TTYH1: variants seen among roughly 807,000 people sequenced by gnomAD.
TTYH1 encodes protein tweety homolog 1.
Under a neutral mutation model 61.2 loss-of-function variants are expected in TTYH1, and 33 were observed. That is an observed-to-expected ratio of 0.54 (90% CI 0.41 to 0.72). The LOEUF is 0.72. Ranked by LOEUF, TTYH1 falls within the 30% of genes least tolerant of loss-of-function variation. The probability of loss-of-function intolerance (pLI) is 0.00; values close to 1 mark genes in which losing one functional copy is unlikely to be tolerated. For missense variants in TTYH1, 538 were observed against 575.8 expected, an observed-to-expected ratio of 0.93 and a Z score of 0.67; for synonymous variants, 308 against 266.4, an observed-to-expected ratio of 1.16 and a Z score of -1.52.
intron 4 of TTYH1, among the ~76,000 whole-genome samples, chr19:54,425,534 G>A (rs903321278): frequency 3.3e-5 from 5 of 152,062 alleles, no homozygotes; most frequent in African/African-American, 7.3e-5. Context: ...CTGATTGGTT[G>A]GGTGTGAGCT....
chr19:54,436,407 T>C lies in TTYH1; in HGVS notation c.*117T>C, dbSNP rs2083554457. ...CTCTGACCACTAACACTCTTGGCCA[T>C]GGACAGCCTGCACAGGACCGCCTCC... On this transcript the variant is annotated 3_prime_UTR_variant, in exon 14 of 14. Transcript: ENST00000376530. This position sits in a 1 kb window ranked among gnomAD's most constrained non-coding sequence, Gnocchi z 4.3. 1 of 1,610,304 alleles carries C rather than the reference T, an allele frequency of 6.2e-7. No individual in the cohort carries two copies. The highest frequency in any genetic ancestry group is 1.3e-5 in the African/African-American group (1 of 74,946).
At position 54,415,464 on chromosome 19, in the gene TTYH1, A is replaced by G. The variant is rs1000640808; in HGVS notation, c.-89A>G. 29 of 959,160 alleles carry G rather than the reference A, an allele frequency of 3.0e-5. No homozygotes were observed. In the Admixed American group the frequency reaches 3.7e-4, roughly 12 times the overall value. 59.4% of individuals were successfully genotyped at this position (959,160 alleles called of 1,614,324 possible). The stretch of plus-strand genomic sequence containing the variant: ...CCCCCGCTCCCGCTCCCCTGAGCCC[A>G]GCCAGACCCCGCGCCGCCCGCGCCC... On this transcript the variant is annotated 5_prime_UTR_variant, in exon 1 of 14. Coordinates refer to ENST00000376530, the MANE Select transcript of TTYH1 (RefSeq NM_020659.4). The surrounding 1 kb of genome is among the most constrained non-coding windows in gnomAD (Gnocchi z 5.2).
In TTYH1 at chr19:54,430,900, G is replaced by A; in HGVS notation, c.1027G>A (p.Ala343Thr). 1.2e-6 allele frequency: 2 copies of A among 1,612,564 alleles called. No homozygotes were observed. The highest frequency in any genetic ancestry group is 2.7e-5 in the African/African-American group (2 of 75,062). Reference sequence around the variant, plus strand: ...AGAAGCTGTGCCTCAGTTCCCTTCAGCGCAGGTCGGTGGGTGGGCGCTCCC... The same window carrying A: ...AGAAGCTGTGCCTCAGTTCCCTTCAACGCAGGTCGGTGGGTGGGCGCTCCC... Reference protein sequence around the residue: ...EREAVPQFPSAQKPLLSLEET... With the variant: ...EREAVPQFPSTQKPLLSLEET... Residue 343 changes from alanine to threonine, a missense_variant, in exon 9 of 14, where the codon GCG becomes ACG. Ala to Thr is a moderately conservative substitution (Grantham distance 58, BLOSUM62 0). Around this residue, in one of 3 missense-constraint regions of TTYH1, gnomAD observed 378 missense variants for 401.2 expected, o/e 0.94. Transcript: ENST00000376530.
chr19:54,436,321 C>T lies in TTYH1; in HGVS notation c.*43-12C>T. ...GCCTGCATCACTGCCCTGTCTCTCCCTCTCTCCGCAGTTCCTTCCCTGGCT... is the reference window on the plus strand; with the variant it reads ...GCCTGCATCACTGCCCTGTCTCTCCTTCTCTCCGCAGTTCCTTCCCTGGCT... On this transcript the variant is annotated splice_polypyrimidine_tract_variant and intron_variant, in intron 13 of 13. Transcript: ENST00000376530. This position sits in a 1 kb window ranked among gnomAD's most constrained non-coding sequence, Gnocchi z 4.3. The T allele has an allele frequency of 6.2e-7, 1 of 1,614,092 alleles. No homozygotes were observed. Among genetic ancestry groups the T allele is most frequent in the Non-Finnish European group, 8.5e-7 (1 of 1,180,012 alleles).
chr19:54,422,512 G>C, intron 4 of TTYH1, 102 bp downstream of exon 4: 1 of 1,035,214 alleles, frequency 9.7e-7, no homozygotes, highest in Non-Finnish European at 1.4e-6. Context: ...TGTGACAGCT[G>C]GGGAGTGTGT....
rs2083189484 is a variant in TTYH1, at chr19:54,420,510, G to A, written c.306-767G>A. Reference sequence around the variant, plus strand: ...GCCCAGCCGGGGCTGGGAACCGGGAGGGTGTCAGGCTCCCGCCCCCTCCAC... The same window carrying A: ...GCCCAGCCGGGGCTGGGAACCGGGAAGGTGTCAGGCTCCCGCCCCCTCCAC... On this transcript the variant is annotated intron_variant, in intron 2 of 13. Coordinates refer to ENST00000376530, the MANE Select transcript of TTYH1 (RefSeq NM_020659.4). The surrounding 1 kb of genome is among the most constrained non-coding windows in gnomAD (Gnocchi z 4.8). Among the ~76,000 whole-genome samples the A allele has an allele frequency of 6.6e-6, 1 of 152,052 alleles. No individual in the cohort carries two copies. Among genetic ancestry groups the A allele is most frequent in the Admixed American group, 6.5e-5 (1 of 15,268 alleles).
rs754923638 is a variant in TTYH1 at position 54,421,251 on chromosome 19, A to G, written c.306-26A>G. On this transcript the variant is annotated intron_variant, in intron 2 of 13. Coordinates refer to ENST00000376530, the MANE Select transcript of TTYH1 (RefSeq NM_020659.4). The surrounding 1 kb of genome is among the most constrained non-coding windows in gnomAD (Gnocchi z 4.8). ...CCCCGGGGTCCTGGGACCCGCTGAG[A>G]TTCCTCTCCCTCCTCCTCCGCTCAG... is the stretch of plus-strand genomic sequence containing the variant. 1.3e-6 allele frequency: 2 copies of G among 1,541,528 alleles called. No homozygotes were observed. The highest frequency in any genetic ancestry group is 1.1e-5 in the South Asian group (1 of 89,654).
intron 1 of TTYH1, among the ~76,000 whole-genome samples, chr19:54,417,409 A>G (rs892939153): frequency 6.7e-6 from 1 of 150,190 alleles, no homozygotes; most frequent in Non-Finnish European, 1.5e-5. Context: ...CTCATTACAC[A>G]CTCACATATG....
chr19:54,436,465 C>T lies in TTYH1; in HGVS notation c.*175C>T. On this transcript the variant is annotated 3_prime_UTR_variant, in exon 14 of 14. Transcript: ENST00000376530. This position sits in a 1 kb window ranked among gnomAD's most constrained non-coding sequence, Gnocchi z 4.3. Reference sequence around the variant, plus strand: ...TGGCCACTGTGCTCCCATTTCTGTCCTTGGCCTTGGGAGTAGCTGAGGGGG... The same window carrying T: ...TGGCCACTGTGCTCCCATTTCTGTCTTTGGCCTTGGGAGTAGCTGAGGGGG... 3 of 1,453,208 alleles carry T rather than the reference C, an allele frequency of 2.1e-6. No individual in the cohort carries two copies. The highest frequency in any genetic ancestry group is 2.3e-5 in the South Asian group (2 of 87,030). The allele number at this position is 1,453,208 out of a possible 1,614,324, so 90.0% of individuals were successfully genotyped here.
Position 54,427,038 on chromosome 19 carries a change from C to G in TTYH1, c.734+270C>G, listed in dbSNP as rs539493224. On this transcript the variant is annotated intron_variant, in intron 5 of 13. Transcript: ENST00000376530. ...ATGAGGCCAGGCGCGGTGGCTCACA[C>G]CTGTAATCCCAGCACTTTAGGAGGC... is the stretch of plus-strand genomic sequence containing the variant. Among the ~76,000 whole-genome samples, 26 of 152,110 alleles carry G rather than the reference C, an allele frequency of 1.7e-4. 1 individual carries two copies. In the South Asian group the frequency reaches 5.0e-3, roughly 29 times the overall value.
In TTYH1 at chr19:54,425,758, C is replaced by T. The variant is rs1375814876; in HGVS notation, c.639-915C>T. 1.4e-4 allele frequency among the ~76,000 whole-genome samples: 21 copies of T among 151,868 alleles called. 1 individual carries two copies. The highest frequency in any genetic ancestry group is 1.4e-3 in the Admixed American group (21 of 15,238). On this transcript the variant is annotated intron_variant, in intron 4 of 13. Coordinates refer to ENST00000376530, the MANE Select transcript of TTYH1 (RefSeq NM_020659.4). ...GAGACTAAGTCTCACTCTTGTCGCC[C>T]AGGCTGGAGTGCAGTGGTGCAATCT...
rs537158484 is a variant in TTYH1 at position 54,429,596 on chromosome 19, C to T, written c.807+217C>T. On this transcript the variant is annotated intron_variant, in intron 6 of 13. Transcript: ENST00000376530. The surrounding 1 kb of genome is among the most constrained non-coding windows in gnomAD (Gnocchi z 5.1). Reference sequence around the variant, plus strand: ...GAGGAGGGGCTGGAAACCTGGATTCCTAGGTCTGAGGGAGGAGGGGCTGGG... The same window carrying T: ...GAGGAGGGGCTGGAAACCTGGATTCTTAGGTCTGAGGGAGGAGGGGCTGGG... Among the ~76,000 whole-genome samples the T allele has an allele frequency of 2.6e-5, 4 of 151,854 alleles. No individual in the cohort carries two copies. The highest frequency in any genetic ancestry group is 2.1e-4 in the South Asian group (1 of 4,798).
intron 7 of TTYH1, 54 bp from the exon 8 acceptor site, chr19:54,430,496 G>A: frequency 6.3e-7 from 1 of 1,592,760 alleles, no homozygotes. Context: ...TCCCCCGGGA[G>A]ATCCCTGGGG....
At position 54,420,396 on chromosome 19, in the gene TTYH1, C is replaced by T. The variant is rs950203179; in HGVS notation, c.306-881C>T. 2.0e-5 allele frequency among the ~76,000 whole-genome samples: 3 copies of T among 152,148 alleles called. No individual in the cohort carries two copies. ...GTGGGGGAGAGACACGGCCCCAGCC[C>T]CCGCAGCCTGGGAACAAGAGGAGCT... On this transcript the variant is annotated intron_variant, in intron 2 of 13. Transcript: ENST00000376530. This position sits in a 1 kb window ranked among gnomAD's most constrained non-coding sequence, Gnocchi z 4.8.
Position 54,420,701 on chromosome 19 carries a change from G to A in TTYH1, c.306-576G>A, listed in dbSNP as rs376872304. 1.1e-4 allele frequency: 19 copies of A among 168,042 alleles called. No homozygotes were observed. The highest frequency in any genetic ancestry group is 6.1e-4 in the South Asian group (3 of 4,898). The allele number at this position is 168,042 out of a possible 1,614,324, so 10.4% of individuals were successfully genotyped here. On this transcript the variant is annotated intron_variant, in intron 2 of 13. Coordinates refer to ENST00000376530, the MANE Select transcript of TTYH1 (RefSeq NM_020659.4). The surrounding 1 kb of genome is among the most constrained non-coding windows in gnomAD (Gnocchi z 4.8). ...TTACTTCCCTCCCAGCTGGCCCGAC[G>A]CTTGGGTCCCGGGTGGGGGAAGGCC...
At chr19:54,431,627 C>G (rs575047834) in intron 10 of TTYH1, 8 of 202,454 alleles carry the variant, frequency 4.0e-5, no homozygotes, top group Non-Finnish European at 7.2e-5. Flanking sequence ...TTCTCTGTAC[C>G]TCAGTTAGTT....
At chr19:54,427,250 TCA>T (rs201021924) in intron 5 of TTYH1, among the ~76,000 whole-genome samples, 118,288 of 126,038 alleles carry the variant, frequency 0.94, 55,598 homozygotes, top group Non-Finnish European at 0.97. Context: ...TGAGCCAAGA[TCA>T]CACACCATTG....
chr19:54,416,776 C>G lies in TTYH1; in HGVS notation c.126+1098C>G, dbSNP rs1226263939. The G allele has an allele frequency of 7.7e-7, 1 of 1,293,422 alleles. No homozygotes were observed. Among genetic ancestry groups the G allele is most frequent in the African/African-American group, 1.5e-5 (1 of 65,838 alleles). 80.1% of individuals were successfully genotyped at this position (1,293,422 alleles called of 1,614,324 possible). A position where few individuals can be genotyped will look rare whatever the true frequency, so the allele number is the denominator to read the frequency against. On this transcript the variant is annotated intron_variant, in intron 1 of 13. Coordinates refer to ENST00000376530, the MANE Select transcript of TTYH1 (RefSeq NM_020659.4). This position sits in a 1 kb window ranked among gnomAD's most constrained non-coding sequence, Gnocchi z 7.0. ...CTCCCCACACACGGGGACCGCCGTC[C>G]CCTCGCCCACAGCCTCGCGGTTACA... is the stretch of plus-strand genomic sequence containing the variant.
At chr19:54,424,913 A>G (rs1356503255) in intron 4 of TTYH1, among the ~76,000 whole-genome samples, 1 of 151,062 alleles carries the variant, frequency 6.6e-6, no homozygotes, top group Non-Finnish European at 1.5e-5. Context: ...TTGCTCCCGG[A>G]GCTCCCAAGA....
Sources: allele counts gnomAD v4.1 joint callset (sites outside exome capture counted in the v4.1 genomes callset), GRCh38; gene constraint gnomAD v4.1.1; regional missense constraint gnomAD v4.1.1; non-coding constraint Gnocchi (gnomAD v3.1); transcripts MANE v1.5; gene names NCBI Gene and HGNC (gene_info 2026-07-23, HGNC 2026-07-21).